The following LOXL2 variants were observed in gnomAD, a reference collection of about 807,000 sequenced individuals.
LOXL2 encodes the protein lysyl oxidase homolog 2.
Under a neutral mutation model 93.0 loss-of-function variants are expected in LOXL2, and 70 were observed. The observed-to-expected ratio is 0.75, with a 90% CI of 0.62 to 0.92. The LOEUF is 0.92. Ranked by LOEUF, LOXL2 falls within the 40% of genes least tolerant of loss-of-function variation. The pLI, the probability that LOXL2 is intolerant of heterozygous loss-of-function variation, is 0.00. For missense variants in LOXL2, 973 were observed against 1,054.9 expected (o/e 0.92, Z 1.08); for synonymous variants, 438 against 413.2 (o/e 1.06, Z -0.73).
At chr8:23,334,056 T>C (rs951540171) in intron 4 of LOXL2, among the ~76,000 whole-genome samples, 4 of 152,188 alleles carry the variant, frequency 2.6e-5, no homozygotes, top group African/African-American at 9.6e-5. Context: ...CATTCTTTTT[T>C]TTTTCTGAGA....
At chr8:23,311,954 A>G (rs1312694897) in intron 9 of LOXL2, among the ~76,000 whole-genome samples, 8 of 152,186 alleles carry the variant, frequency 5.3e-5, no homozygotes, top group Non-Finnish European at 8.8e-5. Context: ...AACACTAAGG[A>G]TGAGGCTAGG....
chr8:23,399,058 G>A lies in LOXL2; in HGVS notation c.-84+4896C>T, dbSNP rs1223535180. ...GACTGAAGACTTAAGAGACTCAGCT[G>A]TGTGTTGCTCTGGTTGCATCTCTGT... On this transcript the variant is annotated intron_variant, in intron 1 of 13. Transcript: ENST00000389131. Among the ~76,000 whole-genome samples, 3 of 152,232 alleles carry A rather than the reference G, an allele frequency of 2.0e-5. No homozygotes were observed. In the East Asian group the frequency reaches 5.8e-4, roughly 29 times the overall value.
At chr8:23,298,291 G>A (rs1803072298) in intron 13 of LOXL2, among the ~76,000 whole-genome samples, 169 bp from the exon 14 acceptor site, 1 of 152,232 alleles carries the variant, frequency 6.6e-6, no homozygotes, top group South Asian at 2.1e-4. Context: ...GCACATAGCA[G>A]GTGCTCTGTC....
chr8:23,398,596 A>G (rs1410745577), intron 1 of LOXL2, among the ~76,000 whole-genome samples: 2 of 152,176 alleles, frequency 1.3e-5, no homozygotes, highest in East Asian at 3.8e-4. Flanking sequence ...TGCCACAGAA[A>G]GTGCAAAAGA....
intron 3 of LOXL2, among the ~76,000 whole-genome samples, chr8:23,344,309 A>AT (rs775776637): frequency 1.2e-3 from 189 of 152,180 alleles, no homozygotes; most frequent in Non-Finnish European, 2.0e-3. Context: ...CATTATCCTC[A>AT]TTCTTCCACC....
chr8:23,340,320 GACCA>G (rs1162663748), intron 4 of LOXL2, among the ~76,000 whole-genome samples: 2 of 152,274 alleles, frequency 1.3e-5, no homozygotes, highest in East Asian at 1.9e-4. Flanking sequence ...AACACCCCAT[GACCA>G]ACCAAGTATA....
intron 1 of LOXL2, among the ~76,000 whole-genome samples, chr8:23,401,044 C>T (rs535041032): frequency 1.1e-4 from 16 of 152,308 alleles, no homozygotes; most frequent in South Asian, 6.2e-4. Context: ...TGAGAGTCCA[C>T]GAGTAACATG....
rs1804269712 is a variant in LOXL2, at chr8:23,360,323, T to G, written c.356-58A>C. 7.4e-6 allele frequency: 10 copies of G among 1,349,736 alleles called. No individual in the cohort carries two copies. The South Asian group carries it at 1.2e-4, about 16-fold the overall frequency. The allele number at this position is 1,349,736 out of a possible 1,614,324, so 83.6% of individuals were successfully genotyped here. A position where few individuals can be genotyped will look rare whatever the true frequency, so the allele number is the denominator to read the frequency against. On this transcript the variant is annotated intron_variant, in intron 2 of 13. Transcript: ENST00000389131. ...CTGCGTCAATGCAGGTCTGAGTCTT[T>G]GCGGGGCACCAGTGTCTCACATGGA...
intron 1 of LOXL2, among the ~76,000 whole-genome samples, chr8:23,389,442 T>C (rs1031198136): frequency 1.3e-5 from 2 of 152,158 alleles, no homozygotes; most frequent in East Asian, 1.9e-4. Context: ...TCAAGGACAA[T>C]TGGCTTCCTA....
At position 23,383,786 on chromosome 8, in the gene LOXL2, G is replaced by T. The variant is rs1424144856; in HGVS notation, c.-83-15352C>A. Among the ~76,000 whole-genome samples the T allele has an allele frequency of 4.0e-5, 6 of 149,046 alleles. No individual in the cohort carries two copies. In the Admixed American group the frequency reaches 4.1e-4, roughly 10 times the overall value. On this transcript the variant is annotated intron_variant, in intron 1 of 13. Coordinates refer to ENST00000389131, the MANE Select transcript of LOXL2 (RefSeq NM_002318.3). ...CGCCATTCTCCTGCCTCAGCCTCCC[G>T]AGTAGCTGGGACTACAGGCGCCCGC...
chr8:23,394,388 G>A lies in LOXL2; in HGVS notation c.-84+9566C>T, dbSNP rs535595159. 2.3e-5 allele frequency among the ~76,000 whole-genome samples: 3 copies of A among 127,946 alleles called. No homozygotes were observed. The South Asian group carries it at 8.0e-4, about 34-fold the overall frequency. The allele number at this position is 127,946 out of a possible 152,430, so 83.9% of individuals were successfully genotyped here. On this transcript the variant is annotated intron_variant, in intron 1 of 13. Coordinates refer to ENST00000389131, the MANE Select transcript of LOXL2 (RefSeq NM_002318.3). ...AGCCTAGGTGACAGAGTGAGACTCT[G>A]TCTCAGAGAAAAAAAAAAAAAAAAA...
intron 1 of LOXL2, among the ~76,000 whole-genome samples, chr8:23,390,072 T>G (rs1254257537): frequency 6.6e-6 from 1 of 152,130 alleles, no homozygotes; most frequent in East Asian, 1.9e-4. Flanking sequence ...CATTCACATT[T>G]GGGGTCAGGG....
intron 9 of LOXL2, among the ~76,000 whole-genome samples, chr8:23,313,729 A>T (rs1243073873): frequency 1.3e-5 from 2 of 150,236 alleles, no homozygotes; most frequent in African/African-American, 2.4e-5. Context: ...TTCAGGACAT[A>T]GGCATGGGCA....
chr8:23,310,867 G>A (rs1281099595), intron 9 of LOXL2, among the ~76,000 whole-genome samples: 5 of 152,132 alleles, frequency 3.3e-5, no homozygotes, highest in South Asian at 2.1e-4. Flanking sequence ...TACAATCTAC[G>A]TTTACTAAAC....
rs554934149 is a variant in LOXL2 at position 23,332,226 on chromosome 8, C to T, written c.966+1175G>A. On this transcript the variant is annotated intron_variant, in intron 5 of 13. Coordinates refer to ENST00000389131, the MANE Select transcript of LOXL2 (RefSeq NM_002318.3). ...ACACCCACACCCACCCCACACACCC[C>T]CTACACACTCACACCCCCACACACT... Among the ~76,000 whole-genome samples, 553 of 120,550 alleles carry T rather than the reference C, an allele frequency of 4.6e-3. 2 individuals carry two copies. Among genetic ancestry groups the T allele is most frequent in the African/African-American group, 0.017 (536 of 32,090 alleles). 79.1% of individuals were successfully genotyped at this position (120,550 alleles called of 152,430 possible). A position where few individuals can be genotyped will look rare whatever the true frequency, so the allele number is the denominator to read the frequency against.
At chr8:23,324,471 C>T (rs1168955108) in intron 6 of LOXL2, among the ~76,000 whole-genome samples, 1 of 152,120 alleles carries the variant, frequency 6.6e-6, no homozygotes, top group Non-Finnish European at 1.5e-5. Context: ...GAAGAGGCTC[C>T]GAAGGACACT....
At chr8:23,397,979 A>G (rs1274107145) in intron 1 of LOXL2, among the ~76,000 whole-genome samples, 1 of 151,554 alleles carries the variant, frequency 6.6e-6, no homozygotes. Flanking sequence ...AAAAAAAAAA[A>G]AAAAAAGAAA....
intron 1 of LOXL2, among the ~76,000 whole-genome samples, chr8:23,387,136 G>A (rs373020553): frequency 6.6e-6 from 1 of 152,334 alleles, no homozygotes; most frequent in African/African-American, 2.4e-5. Flanking sequence ...GGAAAAGTTG[G>A]TTGTGCCTGG....
intron 1 of LOXL2, among the ~76,000 whole-genome samples, chr8:23,369,646 T>C (rs1011079176): frequency 2.0e-5 from 3 of 152,108 alleles, no homozygotes; most frequent in African/African-American, 7.2e-5. Flanking sequence ...CCGAAGAGGA[T>C]GCTGGGGTGG....
Sources: gnomAD v4.1 joint callset for allele counts (sites outside exome capture counted in the v4.1 genomes callset) on GRCh38, gnomAD v4.1.1 for gene constraint, MANE v1.5 for transcripts, NCBI Gene and HGNC (gene_info 2026-07-23, HGNC 2026-07-21) for gene names.